ERLIN2: variants seen among roughly 807,000 people sequenced by gnomAD.
The protein encoded by ERLIN2 is erlin-2.
A neutral mutation model predicts 41.5 loss-of-function variants in ERLIN2; 22 were observed. That is an observed-to-expected ratio of 0.53 (90% CI 0.38 to 0.76). ERLIN2 has a LOEUF of 0.76. Among genes scored for constraint, ERLIN2 ranks in the 30% least tolerant of loss-of-function variants. The pLI, the probability that ERLIN2 is intolerant of heterozygous loss-of-function variation, is 0.00. For missense variants in ERLIN2, 247 were observed against 414.3 expected (o/e 0.60, Z 3.51); for synonymous variants, 149 against 150.9 (o/e 0.99, Z 0.09).
rs1803392761 is a variant in ERLIN2, at chr8:37,757,777, T to A, written c.*3662T>A. On this transcript the variant is annotated 3_prime_UTR_variant, in exon 12 of 12. Transcript: ENST00000519638. ...CAAGATCTCTCTAAAAATAAACAGATGAAAATCTATCCCCATTATCGATAC... is the reference window on the plus strand; with the variant it reads ...CAAGATCTCTCTAAAAATAAACAGAAGAAAATCTATCCCCATTATCGATAC... 6.6e-6 allele frequency: 1 copy of A among 152,302 alleles called. No homozygotes were observed. Among genetic ancestry groups the A allele is most frequent in the African/African-American group, 2.4e-5 (1 of 41,582 alleles). The allele number at this position is 152,302 out of a possible 1,614,324, so 9.4% of individuals were successfully genotyped here.
Position 37,754,177 on chromosome 8 carries a change from G to A in ERLIN2, c.*62G>A. The A allele has an allele frequency of 1.6e-6, 2 of 1,219,000 alleles. No individual in the cohort carries two copies. The highest frequency in any genetic ancestry group is 1.3e-5 in the South Asian group (1 of 78,880). 75.5% of individuals were successfully genotyped at this position (1,219,000 alleles called of 1,614,324 possible). On this transcript the variant is annotated 3_prime_UTR_variant, in exon 12 of 12. Transcript: ENST00000519638. ...GATCTTTATTTTTTAAGATGAATCAGAATGTTCCTCCCTCCCCGACTACCT... is the reference window on the plus strand; with the variant it reads ...GATCTTTATTTTTTAAGATGAATCAAAATGTTCCTCCCTCCCCGACTACCT...
intron 6 of ERLIN2, chr8:37,747,836 G>A: frequency 6.2e-7 from 1 of 1,614,162 alleles, no homozygotes; most frequent in Non-Finnish European, 8.5e-7. Flanking sequence ...TCAATCACAC[G>A]GGACCGGTCC....
chr8:37,756,385 T>C lies in ERLIN2; in HGVS notation c.*2270T>C, dbSNP rs1186185736. The C allele has an allele frequency of 2.0e-5, 3 of 152,422 alleles. No homozygotes were observed. The highest frequency in any genetic ancestry group is 4.4e-5 in the Non-Finnish European group (3 of 68,044). 9.4% of individuals were successfully genotyped at this position (152,422 alleles called of 1,614,324 possible). Reference sequence around the variant, plus strand: ...CTCAGAAAACACCAATTCACCACAGTAGAACCGGGAGCAGGGATAGCTCAG... The same window carrying C: ...CTCAGAAAACACCAATTCACCACAGCAGAACCGGGAGCAGGGATAGCTCAG... On this transcript the variant is annotated 3_prime_UTR_variant, in exon 12 of 12. Coordinates refer to ENST00000519638, the MANE Select transcript of ERLIN2 (RefSeq NM_007175.8).
chr8:37,745,326 C>T (rs144909686), intron 6 of ERLIN2: 37 of 562,432 alleles, frequency 6.6e-5, no homozygotes, highest in African/African-American at 5.6e-4. Context: ...CCTGTAGCAA[C>T]GAATAGAAAA....
At chr8:37,745,630 C>A in intron 6 of ERLIN2, 1 of 1,614,012 alleles carries the variant, frequency 6.2e-7, no homozygotes, top group Non-Finnish European at 8.5e-7. Context: ...GAACATTTTT[C>A]ATAGCAGACA....
rs1462146635 is a variant in ERLIN2, at chr8:37,754,838, T to G, written c.*723T>G. 2.0e-5 allele frequency: 3 copies of G among 152,738 alleles called. No individual in the cohort carries two copies. Among genetic ancestry groups the G allele is most frequent in the Non-Finnish European group, 4.4e-5 (3 of 68,230 alleles). The allele number at this position is 152,738 out of a possible 1,614,324, so 9.5% of individuals were successfully genotyped here. On this transcript the variant is annotated 3_prime_UTR_variant, in exon 12 of 12. Transcript: ENST00000519638. ...CTTTTCACCTATGCTGTGATTTGTT[T>G]TTTTTTTTTCTTCTCAAAAATTCTG...
At chr8:37,743,207 C>T (rs201923723) in intron 4 of ERLIN2, among the ~76,000 whole-genome samples, 16 of 152,158 alleles carry the variant, frequency 1.1e-4, no homozygotes, top group African/African-American at 3.9e-4. Flanking sequence ...GAACCTGGTT[C>T]AAAATTAACA....
In ERLIN2 at chr8:37,753,524, A is replaced by G; in HGVS notation, c.814A>G (p.Asn272Asp). 6.2e-7 allele frequency: 1 copy of G among 1,613,990 alleles called. No homozygotes were observed. Among genetic ancestry groups the G allele is most frequent in the Admixed American group, 1.7e-5 (1 of 60,032 alleles). ...CACTGCTATGAAAATAGCCGAAGCCAATAAGGTAAAGACCCCGCACAGCCT... is the reference window on the plus strand; with the variant it reads ...CACTGCTATGAAAATAGCCGAAGCCGATAAGGTAAAGACCCCGCACAGCCT... ...CYTAMKIAEA[N>D]KLKLTPEYLQ... is the part of the protein sequence containing the mutation. The change falls in exon 11 of 12, where the codon AAT becomes GAT. Residue 272 changes from asparagine (N) to aspartate (D), a missense_variant. Physicochemically the swap from Asn to Asp is conservative, Grantham distance 23. Around this residue, in one of 3 missense-constraint regions of ERLIN2, gnomAD observed 153 missense variants for 256.4 expected, o/e 0.60. Transcript: ENST00000519638.
rs755996988 is a variant in ERLIN2, at chr8:37,749,786, C to A, written c.499-8C>A. On this transcript the variant is annotated splice_region_variant and splice_polypyrimidine_tract_variant and intron_variant, in intron 7 of 11. Coordinates refer to ENST00000519638, the MANE Select transcript of ERLIN2 (RefSeq NM_007175.8). ...TTCCCATCAGCTGCTGTTTTAATCTCTCTCCAGGCTGTGCGGGTAACAAAG... is the reference window on the plus strand; with the variant it reads ...TTCCCATCAGCTGCTGTTTTAATCTATCTCCAGGCTGTGCGGGTAACAAAG... 1 of 1,614,040 alleles carries A rather than the reference C, an allele frequency of 6.2e-7. No individual in the cohort carries two copies. The highest frequency in any genetic ancestry group is 8.5e-7 in the Non-Finnish European group (1 of 1,179,894).
At chr8:37,751,555 G>C in intron 9 of ERLIN2, 71 bp from the exon 10 acceptor site, 1 of 1,356,932 alleles carries the variant, frequency 7.4e-7, no homozygotes, top group Non-Finnish European at 1.1e-6. Context: ...AGGACACTCA[G>C]CTCGGGTGAA....
Position 37,756,753 on chromosome 8 carries a change from A to T in ERLIN2, c.*2638A>T. Reference sequence around the variant, plus strand: ...TAAAACATTTGAATTCTAAACATGTAAAATGTGACAGCCTGCAATTTTGTA... The same window carrying T: ...TAAAACATTTGAATTCTAAACATGTTAAATGTGACAGCCTGCAATTTTGTA... On this transcript the variant is annotated 3_prime_UTR_variant, in exon 12 of 12. Transcript: ENST00000519638. The T allele has an allele frequency of 6.5e-6, 1 of 152,782 alleles. No individual in the cohort carries two copies. Among genetic ancestry groups the T allele is most frequent in the Non-Finnish European group, 1.5e-5 (1 of 68,030 alleles). The allele number at this position is 152,782 out of a possible 1,614,324, so 9.5% of individuals were successfully genotyped here. A position where few individuals can be genotyped will look rare whatever the true frequency, so the allele number is the denominator to read the frequency against.
rs1803364593 is a variant in ERLIN2 at position 37,756,607 on chromosome 8, G to T, written c.*2492G>T. On this transcript the variant is annotated 3_prime_UTR_variant, in exon 12 of 12. Transcript: ENST00000519638. The stretch of plus-strand genomic sequence containing the variant: ...TCCTACACATTAGTGTCAATCCAAT[G>T]GTTGTCTCTTATCTGTCTAAATAGC... The T allele has an allele frequency of 6.6e-6, 1 of 152,534 alleles. No homozygotes were observed. The highest frequency in any genetic ancestry group is 2.4e-5 in the African/African-American group (1 of 41,436). 9.4% of individuals were successfully genotyped at this position (152,534 alleles called of 1,614,324 possible).
chr8:37,748,630 A>C (rs1390647978), intron 6 of ERLIN2, among the ~76,000 whole-genome samples: 2 of 152,260 alleles, frequency 1.3e-5, no homozygotes, highest in Non-Finnish European at 2.9e-5. Flanking sequence ...ATTTGAGCAC[A>C]GGTGACCACG....
rs76777169 is a variant in ERLIN2, at chr8:37,750,375, C to T, written c.558-20C>T. On this transcript the variant is annotated intron_variant, in intron 8 of 11. Coordinates refer to ENST00000519638, the MANE Select transcript of ERLIN2 (RefSeq NM_007175.8). ...TCCTGAGTTTTCCATAGCTGCCTCA[C>T]GGCTTTTTCTTCTCTTCAGGGAAAG... The T allele has an allele frequency of 7.5e-4, 1,195 of 1,598,704 alleles. 8 individuals carry two copies. In the East Asian group the frequency reaches 0.019, roughly 25 times the overall value.
intron 6 of ERLIN2, chr8:37,745,450 CTG>C (rs1803009258): frequency 3.0e-6 from 3 of 991,350 alleles, no homozygotes; most frequent in South Asian, 1.4e-5. Context: ...AGTTGGGTAA[CTG>C]TTATAACTTG....
chr8:37,745,162 TCAG>T, intron 6 of ERLIN2: 1 of 479,640 alleles, frequency 2.1e-6, no homozygotes, highest in Non-Finnish European at 3.7e-6. Flanking sequence ...TCCTGGCTCT[TCAG>T]CATTCTTCTC....
chr8:37,743,799 G>GA (rs935549445), intron 4 of ERLIN2, among the ~76,000 whole-genome samples: 16 of 146,482 alleles, frequency 1.1e-4, no homozygotes, highest in Middle Eastern at 3.5e-3. Context: ...GAAATGTTCA[G>GA]AAAAAAAAAA....
Position 37,751,764 on chromosome 8 carries a change from G to A in ERLIN2, c.739+49G>A, listed in dbSNP as rs537009420. 1.3e-5 allele frequency: 18 copies of A among 1,431,846 alleles called. No homozygotes were observed. In the South Asian group the frequency reaches 2.1e-4, roughly 16 times the overall value. 88.7% of individuals were successfully genotyped at this position (1,431,846 alleles called of 1,614,324 possible). On this transcript the variant is annotated intron_variant, in intron 10 of 11. Coordinates refer to ENST00000519638, the MANE Select transcript of ERLIN2 (RefSeq NM_007175.8). ...CTGAGTCCTCCTCAGACCCCGCCCT[G>A]TGGCCAGTGGGTTGGGGAGCCATTG... is the stretch of plus-strand genomic sequence containing the variant.
chr8:37,751,403 A>C (rs1413952015), intron 9 of ERLIN2, among the ~76,000 whole-genome samples: 1 of 152,218 alleles, frequency 6.6e-6, no homozygotes, highest in Admixed American at 6.5e-5. Context: ...GTTAGGGCTC[A>C]TGCTTCCTAT....
Sources: gnomAD v4.1 joint callset for allele counts (sites outside exome capture counted in the v4.1 genomes callset) on GRCh38, gnomAD v4.1.1 for gene constraint, gnomAD v4.1.1 regional missense constraint, MANE v1.5 for transcripts, NCBI Gene and HGNC (gene_info 2026-07-23, HGNC 2026-07-21) for gene names.